Variants in CNTRL observed in about 807,000 individuals in gnomAD.
The protein encoded by CNTRL is centriolin.
A neutral mutation model predicts 303.7 loss-of-function variants in CNTRL; 233 were observed. That is an observed-to-expected ratio of 0.77 (90% CI 0.69 to 0.86). The LOEUF is 0.86. Among genes scored for constraint, CNTRL ranks in the 40% least tolerant of loss-of-function variants. The pLI is 0.00. For missense variants in CNTRL, 2,524 were observed against 2,650.6 expected (o/e 0.95, Z 1.05); for synonymous variants, 900 against 922.2 (o/e 0.98, Z 0.44).
chr9:121,127,149 G>C (rs1367991955), intron 14 of CNTRL, among the ~76,000 whole-genome samples: 1 of 152,120 alleles, frequency 6.6e-6, no homozygotes, highest in East Asian at 1.9e-4. Flanking sequence ...CACACTGATA[G>C]ATGTAGTTCT....
Position 121,146,113 on chromosome 9 carries a change from A to G in CNTRL, c.3316A>G (p.Lys1106Glu). 6.2e-7 allele frequency: 1 copy of G among 1,607,958 alleles called. No individual in the cohort carries two copies. Among genetic ancestry groups the G allele is most frequent in the African/African-American group, 1.3e-5 (1 of 74,744 alleles). The change falls in exon 23 of 44, where the codon AAA becomes GAA. Residue 1106 changes from lysine (K) to glutamate (E), a missense_variant. Transcript: ENST00000373855. Reference sequence around the variant, plus strand: ...AGAATGACTTTTCTTTACAGACAACAAAGGAGGCTTTGAAAATGTTTTAGA... The same window carrying G: ...AGAATGACTTTTCTTTACAGACAACGAAGGAGGCTTTGAAAATGTTTTAGA... ...NVLDLTGSDN[K>E]GGFENVLEEI...
At chr9:121,123,395 C>A (rs1299930906) in intron 12 of CNTRL, among the ~76,000 whole-genome samples, 2 of 152,128 alleles carry the variant, frequency 1.3e-5, no homozygotes, top group African/African-American at 4.8e-5. Flanking sequence ...GCCTGGCCAA[C>A]ATGGTGAAAC....
At chr9:121,175,870 A>AT (rs2053504002) in intron 43 of CNTRL, among the ~76,000 whole-genome samples, 1 of 152,186 alleles carries the variant, frequency 6.6e-6, no homozygotes, top group Non-Finnish European at 1.5e-5. Flanking sequence ...TGAGGCCAAT[A>AT]TGAGTCCTAG....
intron 2 of CNTRL, among the ~76,000 whole-genome samples, chr9:121,086,331 T>C (rs1564188204): frequency 6.6e-6 from 1 of 152,180 alleles, no homozygotes; most frequent in Admixed American, 6.5e-5. Context: ...AAACTGATTA[T>C]GTGAGGAAAA....
At chr9:121,166,309 C>T in intron 36 of CNTRL, 129 bp downstream of exon 36, 1 of 592,864 alleles carries the variant, frequency 1.7e-6, no homozygotes. Flanking sequence ...ATTTATGTAA[C>T]ATAACCATCA....
intron 43 of CNTRL, among the ~76,000 whole-genome samples, chr9:121,175,783 G>A (rs751582891): frequency 1.3e-5 from 2 of 152,146 alleles, no homozygotes; most frequent in Admixed American, 6.5e-5. Context: ...CAGGGATATA[G>A]TTAATTCTAC....
At chr9:121,106,320 C>A (rs1413423310) in intron 7 of CNTRL, among the ~76,000 whole-genome samples, 2 of 122,536 alleles carry the variant, frequency 1.6e-5, no homozygotes, top group Non-Finnish European at 3.2e-5. Flanking sequence ...GCCTGGGCGA[C>A]AGAGCGAGAC....
chr9:121,127,408 T>C (rs1392417397), intron 14 of CNTRL, among the ~76,000 whole-genome samples: 1 of 152,184 alleles, frequency 6.6e-6, no homozygotes, highest in Non-Finnish European at 1.5e-5. Context: ...TTACTTTTCA[T>C]AGTGAGTTTA....
At chr9:121,078,024 G>T (rs895965976) in intron 1 of CNTRL, among the ~76,000 whole-genome samples, 3 of 152,176 alleles carry the variant, frequency 2.0e-5, no homozygotes, top group African/African-American at 7.2e-5. Context: ...TTAGGAATAA[G>T]ATTTTACCTA....
intron 20 of CNTRL, among the ~76,000 whole-genome samples, chr9:121,144,361 C>G (rs2051705877): frequency 6.6e-6 from 1 of 152,164 alleles, no homozygotes; most frequent in Non-Finnish European, 1.5e-5. Flanking sequence ...AGGGAGGTAG[C>G]TGTCAATATC....
At chr9:121,129,405 G>A (rs1235198890) in intron 14 of CNTRL, among the ~76,000 whole-genome samples, 1 of 152,190 alleles carries the variant, frequency 6.6e-6, no homozygotes, top group Non-Finnish European at 1.5e-5. Flanking sequence ...TAGCAATTGT[G>A]AATGGGAGTT....
chr9:121,173,561 C>A, intron 41 of CNTRL, 52 bp downstream of exon 41: 2 of 1,609,742 alleles, frequency 1.2e-6, no homozygotes, highest in South Asian at 1.1e-5. Flanking sequence ...CCACCTCCCC[C>A]AGCTAAGCTA....
intron 27 of CNTRL, among the ~76,000 whole-genome samples, chr9:121,155,972 T>A (rs1008837478): frequency 6.6e-6 from 1 of 152,144 alleles, no homozygotes; most frequent in Non-Finnish European, 1.5e-5. Context: ...CTAAATTATT[T>A]ATTAAAGAAA....
chr9:121,098,687 T>C, intron 7 of CNTRL, 115 bp downstream of exon 7: 1 of 722,454 alleles, frequency 1.4e-6, no homozygotes, highest in Non-Finnish European at 2.2e-6. Flanking sequence ...ACATGGGAAA[T>C]GGCAGCATAA....
chr9:121,169,511 G>A (rs1180655391), intron 38 of CNTRL, 100 bp from the exon 39 acceptor site: 14 of 1,134,976 alleles, frequency 1.2e-5, no homozygotes, highest in Non-Finnish European at 1.8e-5. Context: ...ACCTGCATGG[G>A]TAGCATATCA....
chr9:121,075,822 A>G lies in CNTRL; in HGVS notation c.-205+755A>G, dbSNP rs544169534. Among the ~76,000 whole-genome samples the G allele has an allele frequency of 6.6e-5, 10 of 152,362 alleles. No homozygotes were observed. The South Asian group carries it at 1.0e-3, about 16-fold the overall frequency. On this transcript the variant is annotated intron_variant, in intron 1 of 43. Transcript: ENST00000373855. Reference sequence around the variant, plus strand: ...TTGTATGAGGTTATCATCCCCATTTAAAAAGTGATAGCACTGAGGACCAGA... The same window carrying G: ...TTGTATGAGGTTATCATCCCCATTTGAAAAGTGATAGCACTGAGGACCAGA...
At chr9:121,104,137 A>G (rs2049328153) in intron 7 of CNTRL, among the ~76,000 whole-genome samples, 1 of 152,256 alleles carries the variant, frequency 6.6e-6, no homozygotes, top group Non-Finnish European at 1.5e-5. Context: ...AATGTCCATC[A>G]ATGATAGACT....
intron 13 of CNTRL, 138 bp downstream of exon 13, chr9:121,124,222 A>G (rs1001559227): frequency 2.6e-6 from 2 of 778,918 alleles, no homozygotes; most frequent in Non-Finnish European, 3.8e-6. Flanking sequence ...AAATATTTAC[A>G]GGATACCCAA....
chr9:121,136,716 T>C (rs1001968396), intron 15 of CNTRL, among the ~76,000 whole-genome samples: 6 of 152,170 alleles, frequency 3.9e-5, no homozygotes, highest in Non-Finnish European at 8.8e-5. Flanking sequence ...AGAAAACATA[T>C]CCAATAAATA....
Sources: allele counts gnomAD v4.1 joint callset (sites outside exome capture counted in the v4.1 genomes callset), GRCh38; gene constraint gnomAD v4.1.1; transcripts MANE v1.5; gene names NCBI Gene and HGNC (gene_info 2026-07-23, HGNC 2026-07-21).